The following DCC variants were observed in gnomAD, a reference collection of about 807,000 sequenced individuals.
DCC encodes the protein DCC netrin 1 receptor.
Under a neutral mutation model 172.5 loss-of-function variants are expected in DCC, and 58 were observed. The observed-to-expected ratio is 0.34, with a 90% CI of 0.27 to 0.42. The LOEUF is 0.42. Among genes scored for constraint, DCC ranks in the 10% least tolerant of loss-of-function variants. The probability of loss-of-function intolerance (pLI) is 1.00; values close to 1 mark genes in which losing one functional copy is unlikely to be tolerated. For missense variants in DCC, 1,740 were observed against 1,791.0 expected (o/e 0.97, Z 0.51); for synonymous variants, 709 against 644.5 (o/e 1.10, Z -1.52).
chr18:52,708,494 C>G lies in DCC; in HGVS notation c.92-43560C>G, dbSNP rs145082253. On this transcript the variant is annotated intron_variant, in intron 1 of 28. Transcript: ENST00000442544. ...TAATTGGAAAACCCTAACCCAGAAC[C>G]AGAACTCTAGTAGATAGGACCACAT... Among the ~76,000 whole-genome samples, 32 of 151,762 alleles carry G rather than the reference C, an allele frequency of 2.1e-4. No individual in the cohort carries two copies. In the East Asian group the frequency reaches 5.8e-3, roughly 28 times the overall value.
chr18:53,060,009 A>AT (rs556823473), intron 5 of DCC, among the ~76,000 whole-genome samples: 2,580 of 146,362 alleles, frequency 0.018, 57 homozygotes, highest in African/African-American at 0.053. Context: ...ACTTAGACTC[A>AT]TTTTTTTTTT....
intron 5 of DCC, among the ~76,000 whole-genome samples, chr18:52,985,188 T>C (rs2041273295): frequency 6.6e-6 from 1 of 152,146 alleles, no homozygotes; most frequent in Admixed American, 6.6e-5. Flanking sequence ...TTACTGTTTT[T>C]CTCTCTGTCT....
intron 1 of DCC, chr18:52,419,213 A>T (rs944887434): frequency 6.6e-6 from 1 of 152,112 alleles, no homozygotes; most frequent in Non-Finnish European, 1.5e-5. Context: ...GCATAGAGAC[A>T]ATGCTATTTA....
intron 5 of DCC, among the ~76,000 whole-genome samples, chr18:52,978,129 C>T (rs1017009899): frequency 2.6e-5 from 4 of 151,694 alleles, no homozygotes; most frequent in Admixed American, 2.0e-4. Context: ...TAAGTGCTTC[C>T]GAGTTTATCT....
chr18:52,429,659 T>C (rs1987554665), intron 1 of DCC, among the ~76,000 whole-genome samples: 1 of 152,168 alleles, frequency 6.6e-6, no homozygotes, highest in Non-Finnish European at 1.5e-5. Context: ...AAAATGGCCA[T>C]GTTCTTAAAT....
chr18:53,523,644 AAACT>A (rs1181359941), intron 27 of DCC, among the ~76,000 whole-genome samples: 1 of 152,184 alleles, frequency 6.6e-6, no homozygotes, highest in Non-Finnish European at 1.5e-5. Flanking sequence ...CATTCTCAGC[AAACT>A]AACACAAGAA....
intron 27 of DCC, among the ~76,000 whole-genome samples, chr18:53,511,225 G>T (rs972299301): frequency 3.3e-5 from 5 of 152,144 alleles, no homozygotes; most frequent in Admixed American, 2.0e-4. Flanking sequence ...TAGAGACAAG[G>T]TACTGATAAC....
intron 1 of DCC, among the ~76,000 whole-genome samples, chr18:52,724,911 A>C (rs1265124082): frequency 6.6e-6 from 1 of 152,218 alleles, no homozygotes; most frequent in East Asian, 1.9e-4. Context: ...TGGGCAAATA[A>C]AACTGTTTTC....
rs1415489750 is a variant in DCC, at chr18:53,532,107, T to C, written c.*1454T>C. On this transcript the variant is annotated 3_prime_UTR_variant, in exon 29 of 29. Coordinates refer to ENST00000442544, the MANE Select transcript of DCC (RefSeq NM_005215.4). ...TTGCATATTTATCAGTTAGGTGACTTGAAAACCCAATGAGAGAGTTTCAGC... is the reference window on the plus strand; with the variant it reads ...TTGCATATTTATCAGTTAGGTGACTCGAAAACCCAATGAGAGAGTTTCAGC... 1 of 152,194 alleles carries C rather than the reference T, an allele frequency of 6.6e-6. No individual in the cohort carries two copies. Among genetic ancestry groups the C allele is most frequent in the Non-Finnish European group, 1.5e-5 (1 of 68,030 alleles). The allele number at this position is 152,194 out of a possible 1,614,324, so 9.4% of individuals were successfully genotyped here. A position where few individuals can be genotyped will look rare whatever the true frequency, so the allele number is the denominator to read the frequency against.
chr18:52,793,572 TTC>T (rs1343501087), intron 2 of DCC, among the ~76,000 whole-genome samples: 1 of 152,224 alleles, frequency 6.6e-6, no homozygotes, highest in East Asian at 1.9e-4. Context: ...TACAAATATT[TTC>T]TCTCATTCTG....
intron 8 of DCC, among the ~76,000 whole-genome samples, chr18:53,167,520 TC>T (rs761856389): frequency 7.2e-5 from 11 of 152,266 alleles, no homozygotes; most frequent in Non-Finnish European, 1.6e-4. Flanking sequence ...AGGAATAGAA[TC>T]CAATTTTCTA....
At chr18:52,356,129 C>T (rs1984353295) in intron 1 of DCC, among the ~76,000 whole-genome samples, 1 of 152,060 alleles carries the variant, frequency 6.6e-6, no homozygotes, top group Non-Finnish European at 1.5e-5. Context: ...TGAGAAGTAA[C>T]TTTGGTGGCA....
chr18:52,815,036 CAAG>C (rs1253370347), intron 2 of DCC, among the ~76,000 whole-genome samples: 2 of 151,962 alleles, frequency 1.3e-5, no homozygotes, highest in Non-Finnish European at 2.9e-5. Context: ...AAGTGGGCAA[CAAG>C]AAAAAATAGG....
At chr18:52,930,139 CT>C (rs2040285653) in intron 5 of DCC, among the ~76,000 whole-genome samples, 1 of 150,818 alleles carries the variant, frequency 6.6e-6, no homozygotes, top group Non-Finnish European at 1.5e-5. Flanking sequence ...TTTTTTTCTT[CT>C]TTTTTGTAGA....
intron 1 of DCC, among the ~76,000 whole-genome samples, chr18:52,516,579 G>A (rs1260794326): frequency 2.0e-5 from 3 of 152,138 alleles, no homozygotes; most frequent in East Asian, 1.9e-4. Flanking sequence ...ACAAAAATAC[G>A]TTAAATAAAA....
At chr18:53,184,560 A>G (rs1409151895) in intron 9 of DCC, among the ~76,000 whole-genome samples, 2 of 152,112 alleles carry the variant, frequency 1.3e-5, no homozygotes, top group Non-Finnish European at 2.9e-5. Flanking sequence ...CCTGTATAGC[A>G]TGTGACGGTA....
intron 1 of DCC, among the ~76,000 whole-genome samples, chr18:52,410,878 G>T (rs1036961963): frequency 1.3e-5 from 2 of 152,220 alleles, no homozygotes; most frequent in East Asian, 3.9e-4. Flanking sequence ...CTCCCTTGGA[G>T]AAGGAATACA....
intron 1 of DCC, among the ~76,000 whole-genome samples, chr18:52,419,876 C>T (rs941266035): frequency 6.6e-5 from 10 of 152,124 alleles, no homozygotes; most frequent in African/African-American, 1.9e-4. Flanking sequence ...CATACCATAT[C>T]AGAGTTTTAT....
At chr18:52,354,362 G>A (rs1281478131) in intron 1 of DCC, among the ~76,000 whole-genome samples, 1 of 152,114 alleles carries the variant, frequency 6.6e-6, no homozygotes, top group Non-Finnish European at 1.5e-5. Context: ...GAGAATGATA[G>A]CAAGGCCTAT....
Sources: allele counts gnomAD v4.1 joint callset (sites outside exome capture counted in the v4.1 genomes callset), GRCh38; gene constraint gnomAD v4.1.1; transcripts MANE v1.5; gene names NCBI Gene and HGNC (gene_info 2026-07-23, HGNC 2026-07-21).